PLA2G4A: variants seen among roughly 807,000 people sequenced by gnomAD.
PLA2G4A encodes cytosolic phospholipase A2.
Under a neutral mutation model 81.9 loss-of-function variants are expected in PLA2G4A, and 40 were observed. The observed-to-expected ratio is 0.49, with a 90% CI of 0.38 to 0.64. The LOEUF is 0.64. PLA2G4A is among the 30% of genes least tolerant of loss of function. PLA2G4A has a pLI of 0.00. For synonymous variants in PLA2G4A, 302 were observed against 296.9 expected, an observed-to-expected ratio of 1.02 and a Z score of -0.18; for missense variants, 715 against 905.1, an observed-to-expected ratio of 0.79 and a Z score of 2.69.
chr1:186,848,700 G>A (rs570702519), intron 1 of PLA2G4A, among the ~76,000 whole-genome samples: 29 of 151,608 alleles, frequency 1.9e-4, no homozygotes, highest in Admixed American at 1.8e-3. Flanking sequence ...TAGTTATCTT[G>A]TAGTTCTTAA....
At chr1:186,941,817 G>A (rs1273833822) in intron 10 of PLA2G4A, among the ~76,000 whole-genome samples, 3 of 152,134 alleles carry the variant, frequency 2.0e-5, no homozygotes, top group African/African-American at 7.2e-5. Context: ...TAAGGCACAA[G>A]AGAGTACAGA....
intron 5 of PLA2G4A, among the ~76,000 whole-genome samples, chr1:186,905,384 A>G (rs1654698629): frequency 7.7e-6 from 1 of 130,268 alleles, no homozygotes; most frequent in Non-Finnish European, 1.6e-5. Context: ...TTTAAGGGCA[A>G]TTTTTATGTA....
chr1:186,923,842 A>T (rs1655448742), intron 7 of PLA2G4A, among the ~76,000 whole-genome samples: 1 of 152,224 alleles, frequency 6.6e-6, no homozygotes, highest in Non-Finnish European at 1.5e-5. Flanking sequence ...ATTTGCAACA[A>T]TTATTTTCTT....
intron 3 of PLA2G4A, among the ~76,000 whole-genome samples, chr1:186,876,171 T>A (rs1653488819): frequency 1.3e-5 from 2 of 152,138 alleles, no homozygotes; most frequent in Non-Finnish European, 2.9e-5. Flanking sequence ...GGATGCATGT[T>A]GAACATTTAT....
At chr1:186,904,979 C>T (rs1405330551) in intron 5 of PLA2G4A, among the ~76,000 whole-genome samples, 6 of 152,184 alleles carry the variant, frequency 3.9e-5, no homozygotes, top group South Asian at 2.1e-4. Context: ...CTCAGCCTCC[C>T]GAGTAGCTGA....
intron 3 of PLA2G4A, among the ~76,000 whole-genome samples, chr1:186,885,392 C>T (rs1653901157): frequency 6.6e-6 from 1 of 152,090 alleles, no homozygotes; most frequent in South Asian, 2.1e-4. Flanking sequence ...GTAGACTAAC[C>T]TTACAAAGAA....
chr1:186,874,432 T>G (rs956617235), intron 3 of PLA2G4A, among the ~76,000 whole-genome samples: 1 of 152,050 alleles, frequency 6.6e-6, no homozygotes. Flanking sequence ...AGCCTTAAAA[T>G]TCAGAACTAT....
intron 7 of PLA2G4A, among the ~76,000 whole-genome samples, chr1:186,912,796 GTATA>G (rs529189242): frequency 7.8e-6 from 1 of 128,706 alleles, no homozygotes; most frequent in African/African-American, 3.2e-5. Context: ...ATATATATAT[GTATA>G]TATATATATA....
intron 2 of PLA2G4A, among the ~76,000 whole-genome samples, chr1:186,868,675 A>G (rs1653125305): frequency 6.6e-6 from 1 of 152,164 alleles, no homozygotes; most frequent in African/African-American, 2.4e-5. Flanking sequence ...TCTGTTTTGT[A>G]AGGTTATTAA....
In PLA2G4A at chr1:186,977,881, G is replaced by C; in HGVS notation, c.1960+93G>C. On this transcript the variant is annotated intron_variant, in intron 16 of 17. Coordinates refer to ENST00000367466, the MANE Select transcript of PLA2G4A (RefSeq NM_024420.3). ...GTTTCACTCTGTCACTGCTGTACCA[G>C]CTATTACACTATTGAATGCTTCCCT... 3.6e-6 allele frequency: 3 copies of C among 840,610 alleles called. No homozygotes were observed. The East Asian group carries it at 7.3e-5, about 20-fold the overall frequency. The allele number at this position is 840,610 out of a possible 1,614,324, so 52.1% of individuals were successfully genotyped here.
At chr1:186,862,844 T>C (rs1652863838) in intron 2 of PLA2G4A, among the ~76,000 whole-genome samples, 1 of 152,176 alleles carries the variant, frequency 6.6e-6, no homozygotes, top group Non-Finnish European at 1.5e-5. Flanking sequence ...AAGGTGAAGG[T>C]GCACCTGTTT....
chr1:186,953,474 C>G (rs1328977575), intron 13 of PLA2G4A, among the ~76,000 whole-genome samples: 1 of 85,804 alleles, frequency 1.2e-5, no homozygotes, highest in Non-Finnish European at 2.2e-5. Flanking sequence ...TGTTTTAAAT[C>G]AAATATGTCT....
At chr1:186,945,528 A>C (rs1484367205) in intron 10 of PLA2G4A, among the ~76,000 whole-genome samples, 1 of 152,136 alleles carries the variant, frequency 6.6e-6, no homozygotes, top group African/African-American at 2.4e-5. Context: ...CAGGAGAGAG[A>C]ATACAGCAAT....
intron 5 of PLA2G4A, among the ~76,000 whole-genome samples, chr1:186,901,273 T>C (rs12720543): frequency 6.6e-6 from 1 of 152,196 alleles, no homozygotes; most frequent in Non-Finnish European, 1.5e-5. Flanking sequence ...ATTTTTATTT[T>C]GGGTCACTAA....
intron 8 of PLA2G4A, among the ~76,000 whole-genome samples, chr1:186,934,347 A>G (rs1655855056): frequency 6.6e-6 from 1 of 151,200 alleles, no homozygotes; most frequent in South Asian, 2.1e-4. Context: ...AGATATAGTC[A>G]TTGCTTTGGT....
chr1:186,903,767 G>A (rs1444508736), intron 5 of PLA2G4A, among the ~76,000 whole-genome samples: 1 of 152,126 alleles, frequency 6.6e-6, no homozygotes, highest in Non-Finnish European at 1.5e-5. Flanking sequence ...GTTATGGTGA[G>A]TTGTATAATT....
At chr1:186,909,168 G>T (rs1654850671) in intron 6 of PLA2G4A, among the ~76,000 whole-genome samples, 1 of 149,802 alleles carries the variant, frequency 6.7e-6, no homozygotes, top group Non-Finnish European at 1.5e-5. Flanking sequence ...TAGAGACGGG[G>T]TTTCACCGTG....
chr1:186,943,897 T>G (rs922020076), intron 10 of PLA2G4A, among the ~76,000 whole-genome samples: 4 of 152,260 alleles, frequency 2.6e-5, no homozygotes, highest in Non-Finnish European at 4.4e-5. Flanking sequence ...GGCAATAAAA[T>G]TATTTATGTA....
intron 1 of PLA2G4A, among the ~76,000 whole-genome samples, chr1:186,832,549 T>A (rs151109685): frequency 6.6e-6 from 1 of 152,290 alleles, no homozygotes; most frequent in African/African-American, 2.4e-5. Flanking sequence ...CTGGGTGCCA[T>A]CATCAAACAG....
Sources: gnomAD v4.1 joint callset for allele counts (sites outside exome capture counted in the v4.1 genomes callset) on GRCh38, gnomAD v4.1.1 for gene constraint, MANE v1.5 for transcripts, NCBI Gene and HGNC (gene_info 2026-07-23, HGNC 2026-07-21) for gene names.